Variants in DDHD1 observed in about 807,000 individuals in gnomAD.
The protein encoded by DDHD1 is DDHD domain containing 1, also known as phospholipase DDHD1.
DDHD1 carries 49 observed loss-of-function variants against 96.4 expected under a neutral mutation model. The observed-to-expected ratio is 0.51, with a 90% CI of 0.40 to 0.64. DDHD1 has a LOEUF of 0.64. Ranked by LOEUF, DDHD1 falls within the 30% of genes least tolerant of loss-of-function variation. The pLI, the probability that DDHD1 is intolerant of heterozygous loss-of-function variation, is 0.00. For missense variants in DDHD1, 1,106 were observed against 1,161.2 expected, an observed-to-expected ratio of 0.95 and a Z score of 0.69; for synonymous variants, 442 against 446.5, an observed-to-expected ratio of 0.99 and a Z score of 0.13.
rs1435258723 is a variant in DDHD1 at position 53,152,691 on chromosome 14, T to A, written c.408A>T (p.Thr136=). The A allele has an allele frequency of 1.2e-6, 2 of 1,611,420 alleles. No individual in the cohort carries two copies. The highest frequency in any genetic ancestry group is 2.2e-5 in the East Asian group (1 of 44,810). ...VPTNSGGGGA[T]GGSPGERKRT... ...GTTTCCTTTCCCCGGGGGACCCTCC[T>A]GTCGCGCCGCCGCCCCCCGAGTTCG... The change falls in exon 1 of 13, where the codon ACA becomes ACT. Residue 136 remains threonine (T), a synonymous_variant. Transcript: ENST00000673822.
At chr14:53,147,879 C>T (rs1891104999) in intron 1 of DDHD1, among the ~76,000 whole-genome samples, 1 of 152,166 alleles carries the variant, frequency 6.6e-6, no homozygotes, top group South Asian at 2.1e-4. Context: ...CTTCTACCCC[C>T]TGGGACTCCA....
intron 4 of DDHD1, among the ~76,000 whole-genome samples, chr14:53,082,155 T>C (rs1381419965): frequency 6.6e-6 from 1 of 152,220 alleles, no homozygotes; most frequent in Non-Finnish European, 1.5e-5. Context: ...TGCACAAAAA[T>C]CATGATTTCA....
intron 1 of DDHD1, among the ~76,000 whole-genome samples, chr14:53,114,167 G>C (rs1412936233): frequency 6.6e-6 from 1 of 152,244 alleles, no homozygotes; most frequent in Non-Finnish European, 1.5e-5. Flanking sequence ...TGCCTCTCTA[G>C]ATTCCTCCTC....
At chr14:53,118,954 C>A (rs147236191) in intron 1 of DDHD1, among the ~76,000 whole-genome samples, 2 of 152,180 alleles carry the variant, frequency 1.3e-5, no homozygotes, top group Admixed American at 6.5e-5. Flanking sequence ...ATCAGACTAA[C>A]GGCGGATCTC....
chr14:53,137,082 A>T (rs1890293592), intron 1 of DDHD1, among the ~76,000 whole-genome samples: 1 of 152,182 alleles, frequency 6.6e-6, no homozygotes, highest in African/African-American at 2.4e-5. Flanking sequence ...AAAACAGAAG[A>T]TACAAAAAAA....
At chr14:53,113,956 G>A (rs1888340835) in intron 1 of DDHD1, among the ~76,000 whole-genome samples, 1 of 152,230 alleles carries the variant, frequency 6.6e-6, no homozygotes, top group African/African-American at 2.4e-5. Flanking sequence ...AGCCCAGCAA[G>A]CTAAGAACCA....
intron 4 of DDHD1, among the ~76,000 whole-genome samples, chr14:53,076,115 A>C (rs1224007133): frequency 6.6e-6 from 1 of 152,188 alleles, no homozygotes; most frequent in Non-Finnish European, 1.5e-5. Context: ...TATATTTAAG[A>C]AACAAATTTT....
chr14:53,048,890 T>C (rs1430914996), intron 12 of DDHD1: 1 of 152,186 alleles, frequency 6.6e-6, no homozygotes, highest in Non-Finnish European at 1.5e-5. Context: ...TGAAAAACAG[T>C]TGGAAAATGT....
intron 1 of DDHD1, among the ~76,000 whole-genome samples, chr14:53,137,805 A>G (rs1890345417): frequency 6.6e-6 from 1 of 152,184 alleles, no homozygotes; most frequent in Non-Finnish European, 1.5e-5. Context: ...GAATCTCAAC[A>G]AATCCCATGC....
At chr14:53,101,668 A>C (rs1286718605) in intron 2 of DDHD1, among the ~76,000 whole-genome samples, 3 of 152,114 alleles carry the variant, frequency 2.0e-5, no homozygotes, top group Non-Finnish European at 4.4e-5. Context: ...ACATACACAT[A>C]CGCAAAGACA....
In DDHD1 at chr14:53,046,958, A is replaced by G; in HGVS notation, c.2522-9T>C. On this transcript the variant is annotated splice_polypyrimidine_tract_variant and intron_variant, in intron 12 of 12. Coordinates refer to ENST00000673822, the MANE Select transcript of DDHD1 (RefSeq NM_001160148.2). ...CCTGTGATCCAACTCCACTAAAAAGAAAAGAAGTTAAACAAATGAATACAG... is the reference window on the plus strand; with the variant it reads ...CCTGTGATCCAACTCCACTAAAAAGGAAAGAAGTTAAACAAATGAATACAG... 2 of 1,593,802 alleles carry G rather than the reference A, an allele frequency of 1.3e-6. No individual in the cohort carries two copies. Among genetic ancestry groups the G allele is most frequent in the Non-Finnish European group, 1.7e-6 (2 of 1,171,278 alleles).
Position 53,153,173 on chromosome 14 carries a change from C to G in DDHD1, c.-75G>C, listed in dbSNP as rs1833129298. The G allele has an allele frequency of 1.8e-5, 22 of 1,215,502 alleles. No individual in the cohort carries two copies. In the South Asian group the frequency reaches 4.2e-4, roughly 23 times the overall value. 75.3% of individuals were successfully genotyped at this position (1,215,502 alleles called of 1,614,324 possible). On this transcript the variant is annotated 5_prime_UTR_variant, in exon 1 of 13. Transcript: ENST00000673822. ...CAGCGCTTCCGCCACACATTCAACG[C>G]CGCCGCCCTCTCCACCCGAAGTTTC...
At chr14:53,140,879 C>G (rs940008467) in intron 1 of DDHD1, among the ~76,000 whole-genome samples, 1 of 152,032 alleles carries the variant, frequency 6.6e-6, no homozygotes, top group African/African-American at 2.4e-5. Flanking sequence ...GGAAAAGATA[C>G]AAATTGCAAA....
chr14:53,097,053 A>G (rs1245940945), intron 2 of DDHD1, among the ~76,000 whole-genome samples: 2 of 152,000 alleles, frequency 1.3e-5, no homozygotes, highest in South Asian at 2.1e-4. Context: ...CAATTATTTA[A>G]AAGTTCACTT....
At position 53,152,613 on chromosome 14, in the gene DDHD1, C is replaced by G; in HGVS notation, c.486G>C (p.Glu162Asp). 6.2e-7 allele frequency: 1 copy of G among 1,613,674 alleles called. No homozygotes were observed. Among genetic ancestry groups the G allele is most frequent in the Non-Finnish European group, 8.5e-7 (1 of 1,179,952 alleles). ...ACCAGCGTACCTCCTCCGGGCCCAG[C>G]TCCGTCACTACCTCATAGCGGTGCC... ...AARHRYEVVT[E>D]LGPEEVRWFY... Residue 162 changes from glutamate to aspartate, a missense_variant, in exon 1 of 13, where the codon GAG becomes GAC. Coordinates refer to ENST00000673822, the MANE Select transcript of DDHD1 (RefSeq NM_001160148.2).
In DDHD1 at chr14:53,142,460, C is replaced by CAA. The variant is rs745636721; in HGVS notation, c.838+9799_838+9800dup. Among the ~76,000 whole-genome samples, 198 of 72,026 alleles carry CAA rather than the reference C, an allele frequency of 2.7e-3. 3 individuals carry two copies. In the East Asian group the frequency reaches 0.029, roughly 10 times the overall value. The allele number at this position is 72,026 out of a possible 152,430, so 47.3% of individuals were successfully genotyped here. On this transcript the variant is annotated intron_variant, in intron 1 of 12. Transcript: ENST00000673822. ...GGCCATTTTTTTCTTGCCGGCATGGCAAAAAAAAAAAAAAAACAGGAACAT... is the reference window on the plus strand; with the variant it reads ...GGCCATTTTTTTCTTGCCGGCATGGCAAAAAAAAAAAAAAAAAACAGGAACAT...
chr14:53,104,087 C>A (rs1288812319), intron 1 of DDHD1, among the ~76,000 whole-genome samples: 2 of 152,260 alleles, frequency 1.3e-5, no homozygotes, highest in Non-Finnish European at 2.9e-5. Flanking sequence ...CAGCCTTGAC[C>A]TTCCAGGCTA....
At chr14:53,099,746 G>A (rs1231293190) in intron 2 of DDHD1, among the ~76,000 whole-genome samples, 1 of 152,122 alleles carries the variant, frequency 6.6e-6, no homozygotes, top group Non-Finnish European at 1.5e-5. Context: ...GAAACAGTAG[G>A]CTTTCATTTG....
intron 2 of DDHD1, among the ~76,000 whole-genome samples, chr14:53,101,607 A>G (rs1347679318): frequency 1.3e-5 from 2 of 152,070 alleles, no homozygotes; most frequent in African/African-American, 4.8e-5. Flanking sequence ...ATAACAAAAA[A>G]TATTACGATA....
Sources: gnomAD v4.1 joint callset for allele counts (sites outside exome capture counted in the v4.1 genomes callset) on GRCh38, gnomAD v4.1.1 for gene constraint, MANE v1.5 for transcripts, NCBI Gene and HGNC (gene_info 2026-07-23, HGNC 2026-07-21) for gene names.